FAAH2: variants seen among roughly 807,000 people sequenced by gnomAD.
The protein encoded by FAAH2 is fatty acid amide hydrolase 2.
Under a neutral mutation model 36.9 loss-of-function variants are expected in FAAH2, and 60 were observed. That is an observed-to-expected ratio of 1.63 (90% CI 1.32 to 2.02). FAAH2 has a LOEUF of 2.02. Among genes scored for constraint, FAAH2 ranks in the 30% most tolerant of loss-of-function variants. The probability of loss-of-function intolerance (pLI) is 0.00; values close to 1 mark genes in which losing one functional copy is unlikely to be tolerated. For missense variants in FAAH2, 689 were observed against 397.5 expected, an observed-to-expected ratio of 1.73 and a Z score of -6.23; for synonymous variants, 214 against 143.8, an observed-to-expected ratio of 1.49 and a Z score of -3.49.
At chrX:57,325,357 A>T (rs1291091115) in intron 3 of FAAH2, among the ~76,000 whole-genome samples, 2 of 111,596 alleles carry the variant, frequency 1.8e-5, no homozygotes, top group African/African-American at 3.3e-5. Flanking sequence ...GCCTCATAAA[A>T]TGAGTTAGGG....
At chrX:57,329,105 C>T (rs968976927) in intron 3 of FAAH2, among the ~76,000 whole-genome samples, 2 of 112,086 alleles carry the variant, frequency 1.8e-5, no homozygotes, top group African/African-American at 6.5e-5. Flanking sequence ...GGTTTATGCT[C>T]CTCAGCTGCA....
chrX:57,149,621 T>C, the FAAH2 span, among the ~76,000 whole-genome samples: 1 of 111,716 alleles, frequency 9.0e-6, no homozygotes, highest in Non-Finnish European at 1.9e-5. Context: ...TGTCATTTTT[T>C]ATTGCATCTA....
At chrX:57,270,631 C>T in the FAAH2 span, among the ~76,000 whole-genome samples, 1 of 111,707 alleles carries the variant, frequency 9.0e-6, no homozygotes, top group Non-Finnish European at 1.9e-5. Context: ...AACTGACGTA[C>T]CCGGTTCATC....
chrX:57,451,849 C>T (rs1271915291), intron 10 of FAAH2, among the ~76,000 whole-genome samples: 4 of 112,481 alleles, frequency 3.6e-5, no homozygotes, highest in Non-Finnish European at 7.5e-5. Context: ...TGCATAATGT[C>T]ACTGGAATAA....
intron 8 of FAAH2, among the ~76,000 whole-genome samples, chrX:57,435,436 G>A (rs1315361186): frequency 1.8e-5 from 2 of 110,839 alleles, no homozygotes; most frequent in Non-Finnish European, 3.8e-5. Context: ...CCATCTAAAT[G>A]CTGCTTCCAA....
chrX:57,428,112 G>A (rs367691114), intron 7 of FAAH2, among the ~76,000 whole-genome samples: 3 of 111,642 alleles, frequency 2.7e-5, no homozygotes, highest in African/African-American at 9.7e-5. Context: ...ATCAAGCTTA[G>A]AACCAAATCA....
At chrX:57,280,358 C>G in the FAAH2 span, among the ~76,000 whole-genome samples, 1 of 110,243 alleles carries the variant, frequency 9.1e-6, no homozygotes, top group Non-Finnish European at 1.9e-5. Context: ...ATTAAAAAAC[C>G]TTAATATCAA....
intron 8 of FAAH2, among the ~76,000 whole-genome samples, chrX:57,446,152 G>A (rs1048064296): frequency 2.7e-5 from 3 of 112,424 alleles, no homozygotes; most frequent in African/African-American, 6.5e-5. Context: ...CATCCTGTAA[G>A]CAAACAAATT....
the FAAH2 span, among the ~76,000 whole-genome samples, chrX:57,261,855 A>G: frequency 9.0e-6 from 1 of 111,395 alleles, no homozygotes; most frequent in African/African-American, 3.3e-5. Flanking sequence ...AGAAATAACA[A>G]AGGCTTAACT....
chrX:57,434,914 C>G (rs5915019), intron 8 of FAAH2, among the ~76,000 whole-genome samples: 40,214 of 109,908 alleles, frequency 0.37, 6,254 homozygotes, highest in Middle Eastern at 0.61. Context: ...CCCCATCAGA[C>G]TAAGAATGAG....
At chrX:57,126,584 C>T in the FAAH2 span, among the ~76,000 whole-genome samples, 1,588 of 111,774 alleles carry the variant, frequency 0.014, 12 homozygotes, top group Middle Eastern at 0.033. Flanking sequence ...TGAAGGCACC[C>T]CAAAGAAGAG....
At chrX:57,401,416 G>A (rs763451783) in intron 7 of FAAH2, among the ~76,000 whole-genome samples, 25 of 111,555 alleles carry the variant, frequency 2.2e-4, no homozygotes, top group Admixed American at 7.6e-4. Flanking sequence ...GCATCCTTAA[G>A]GTTCAGGACT....
At chrX:57,332,844 C>G (rs2053445490) in intron 4 of FAAH2, among the ~76,000 whole-genome samples, 1 of 111,670 alleles carries the variant, frequency 9.0e-6, no homozygotes, top group Admixed American at 9.5e-5. Flanking sequence ...GGAATGTCCT[C>G]AGAGAAACTA....
At chrX:57,242,061 G>A in the FAAH2 span, among the ~76,000 whole-genome samples, 2 of 112,745 alleles carry the variant, frequency 1.8e-5, no homozygotes, top group South Asian at 3.6e-4. Flanking sequence ...AGAGAGCAGC[G>A]TATCCTGACA....
At position 57,291,174 on chromosome X, in the gene FAAH2, A is replaced by G. The variant is rs778957463; in HGVS notation, c.193-1324A>G. On this transcript the variant is annotated intron_variant, in intron 1 of 10. Transcript: ENST00000374900. ...ATTCTTGGATATATCCTCACTTTTTACTCCTTGGTCTGTGAGTCTCTGAGG... is the reference window on the plus strand; with the variant it reads ...ATTCTTGGATATATCCTCACTTTTTGCTCCTTGGTCTGTGAGTCTCTGAGG... Among the ~76,000 whole-genome samples the G allele has an allele frequency of 5.6e-5, 6 of 106,622 alleles. 1 individual carries two copies. In the East Asian group the frequency reaches 1.2e-3, roughly 21 times the overall value. The allele number at this position is 106,622 out of a possible 115,157, so 92.6% of individuals were successfully genotyped here. A position where few individuals can be genotyped will look rare whatever the true frequency, so the allele number is the denominator to read the frequency against.
intron 4 of FAAH2, among the ~76,000 whole-genome samples, chrX:57,340,646 A>G (rs775073650): frequency 2.0e-4 from 22 of 112,000 alleles, no homozygotes; most frequent in African/African-American, 6.8e-4. Flanking sequence ...TTGCAGGGAC[A>G]TGGATGGAGC....
the FAAH2 span, among the ~76,000 whole-genome samples, chrX:57,266,056 A>G: frequency 9.0e-6 from 1 of 111,676 alleles, no homozygotes; most frequent in Non-Finnish European, 1.9e-5. Flanking sequence ...AGAGTGTTTG[A>G]GGTGACTGGG....
At chrX:57,386,447 T>C (rs1455785486) in intron 7 of FAAH2, among the ~76,000 whole-genome samples, 1 of 111,728 alleles carries the variant, frequency 9.0e-6, no homozygotes, top group East Asian at 2.8e-4. Flanking sequence ...ATTGGTACTT[T>C]CCTGGCGAGC....
chrX:57,223,549 C>T, the FAAH2 span, among the ~76,000 whole-genome samples: 1 of 111,139 alleles, frequency 9.0e-6, no homozygotes, highest in Non-Finnish European at 1.9e-5. Context: ...ATTACCTAGT[C>T]CTGCTCTGTC....
Sources: gnomAD v4.1 joint callset for allele counts (sites outside exome capture counted in the v4.1 genomes callset) on GRCh38, gnomAD v4.1.1 for gene constraint, MANE v1.5 for transcripts, NCBI Gene and HGNC (gene_info 2026-07-23, HGNC 2026-07-21) for gene names.